Variants in ZNF92 observed in about 807,000 individuals in gnomAD.
ZNF92 encodes the protein zinc finger protein 92, also known as epididymis luminal protein 203.
ZNF92 carries 11 observed loss-of-function variants against 12.4 expected under a neutral mutation model. That is an observed-to-expected ratio of 0.89 (90% CI 0.56 to 1.47). ZNF92 has a LOEUF of 1.47. Among genes scored for constraint, ZNF92 ranks in the 40% most tolerant of loss-of-function variants. The pLI is 0.00. For synonymous variants in ZNF92, 206 were observed against 228.6 expected (o/e 0.90, Z 0.89); for missense variants, 622 against 681.0 (o/e 0.91, Z 0.96).
In ZNF92 at chr7:65,399,791, T is replaced by A; in HGVS notation, c.1677T>A (p.Tyr559Ter). 1 of 1,613,270 alleles carries A rather than the reference T, an allele frequency of 6.2e-7. No homozygotes were observed. Among genetic ancestry groups the A allele is most frequent in the Non-Finnish European group, 8.5e-7 (1 of 1,179,584 alleles). The change falls in exon 4 of 4, where the codon TAT (tyrosine) becomes TAA (stop). Residue 559 changes from tyrosine (Y) to a stop codon, truncating the protein, a stop_gained. Coordinates refer to ENST00000328747, the MANE Select transcript of ZNF92 (RefSeq NM_152626.4). LOFTEE classifies it low-confidence loss of function (END_TRUNC). ...CCCTTATTACACATCAGATAATTTA[T>A]ACTGGAGAGAAACCCTGCAAACATG... is the stretch of plus-strand genomic sequence containing the variant. The part of the protein sequence containing the change: ...FSTLITHQII[Y>*]TGEKPCKHEC...
chr7:65,377,816 C>T (rs916649932), intron 1 of ZNF92, among the ~76,000 whole-genome samples: 6 of 152,082 alleles, frequency 3.9e-5, no homozygotes, highest in South Asian at 4.1e-4. Context: ...CCACCCACCT[C>T]GGCCTCCCAA....
intron 1 of ZNF92, among the ~76,000 whole-genome samples, chr7:65,378,478 C>T (rs941190296): frequency 2.6e-5 from 4 of 151,790 alleles, no homozygotes; most frequent in African/African-American, 4.8e-5. Context: ...CGTGGTGGCT[C>T]ACACCTGTAA....
In ZNF92 at chr7:65,388,242, C is replaced by G. The variant is rs369906761; in HGVS notation, c.130+214C>G. On this transcript the variant is annotated intron_variant, in intron 2 of 3. Coordinates refer to ENST00000328747, the MANE Select transcript of ZNF92 (RefSeq NM_152626.4). ...TTCCTGAGCTGATCTATATCCTTCA[C>G]TCTAAATTAGTGGTAATTCCAGAAA... 4.4e-5 allele frequency: 15 copies of G among 340,342 alleles called. No individual in the cohort carries two copies. In the East Asian group the frequency reaches 6.9e-4, roughly 16 times the overall value. 21.1% of individuals were successfully genotyped at this position (340,342 alleles called of 1,614,324 possible). A position where few individuals can be genotyped will look rare whatever the true frequency, so the allele number is the denominator to read the frequency against.
Position 65,399,441 on chromosome 7 carries a change from C to T in ZNF92, c.1327C>T (p.His443Tyr), listed in dbSNP as rs1203730372. 6 of 1,613,482 alleles carry T rather than the reference C, an allele frequency of 3.7e-6. No individual in the cohort carries two copies. The highest frequency in any genetic ancestry group is 5.1e-6 in the Non-Finnish European group (6 of 1,179,794). ...AFSWSSAFTK[H>Y]KRNHMEDKPY... ...TAGCTGGTCCTCAGCTTTTACTAAA[C>T]ATAAGAGAAATCATATGGAAGATAA... The change falls in exon 4 of 4, where the codon CAT becomes TAT. Residue 443 changes from histidine to tyrosine, a missense_variant. Coordinates refer to ENST00000328747, the MANE Select transcript of ZNF92 (RefSeq NM_152626.4).
At position 65,400,039 on chromosome 7, in the gene ZNF92, G is replaced by A; in HGVS notation, c.*164G>A. The A allele has an allele frequency of 3.2e-6, 2 of 634,798 alleles. No individual in the cohort carries two copies. Among genetic ancestry groups the A allele is most frequent in the Non-Finnish European group, 5.1e-6 (2 of 395,832 alleles). 39.3% of individuals were successfully genotyped at this position (634,798 alleles called of 1,614,324 possible). On this transcript the variant is annotated 3_prime_UTR_variant, in exon 4 of 4. Transcript: ENST00000328747. ...GAAAAATCCTCCAAGTATGAAGAAT[G>A]TGGCAAACTTTTAACCAATCCTCAC...
intron 3 of ZNF92, 60 bp from the exon 4 acceptor site, chr7:65,398,281 G>A: frequency 1.0e-5 from 14 of 1,354,082 alleles, no homozygotes; most frequent in Non-Finnish European, 1.4e-5. Context: ...GGTTAAATTT[G>A]TAAAGTATAT....
chr7:65,384,366 G>A (rs890738214), intron 1 of ZNF92, among the ~76,000 whole-genome samples: 8 of 152,010 alleles, frequency 5.3e-5, no homozygotes, highest in Non-Finnish European at 1.2e-4. Context: ...CTTTTTGGAG[G>A]CCTTATTGAA....
chr7:65,391,018 T>C (rs911887333), intron 3 of ZNF92, among the ~76,000 whole-genome samples: 3 of 152,108 alleles, frequency 2.0e-5, no homozygotes, highest in Non-Finnish European at 4.4e-5. Context: ...AGGAGTCCTT[T>C]AGTTTGCCGC....
intron 3 of ZNF92, among the ~76,000 whole-genome samples, chr7:65,390,411 T>C (rs1793681516): frequency 1.3e-5 from 2 of 152,108 alleles, no homozygotes; most frequent in South Asian, 2.1e-4. Context: ...TTTTATAAAC[T>C]GGTTTTAGAA....
Position 65,388,018 on chromosome 7 carries a change from G to T in ZNF92, c.120G>T (p.Leu40=). Residue 40 remains leucine (L), a synonymous_variant, in exon 2 of 4, where the codon CTG becomes CTT. Transcript: ENST00000328747. The part of the protein sequence containing the change: ...RDVMLENYRN[L]VFLGIAVSKP... ...TGATGTTAGAGAACTACAGAAACCT[G>T]GTCTTCCTTGGTGAGGATAACTTCA... 1 of 1,604,748 alleles carries T rather than the reference G, an allele frequency of 6.2e-7. No homozygotes were observed. Among genetic ancestry groups the T allele is most frequent in the Non-Finnish European group, 8.5e-7 (1 of 1,175,492 alleles).
At chr7:65,379,747 A>G (rs1298476026) in intron 1 of ZNF92, among the ~76,000 whole-genome samples, 1 of 152,034 alleles carries the variant, frequency 6.6e-6, no homozygotes, top group Non-Finnish European at 1.5e-5. Context: ...GTTCTGCACC[A>G]CCTGTTCATA....
chr7:65,393,199 A>G (rs552408149), intron 3 of ZNF92, among the ~76,000 whole-genome samples: 1 of 152,204 alleles, frequency 6.6e-6, no homozygotes, highest in East Asian at 1.9e-4. Flanking sequence ...CTTGACAAAC[A>G]CCCTTCCACT....
chr7:65,376,863 T>C (rs2116331302), intron 1 of ZNF92, among the ~76,000 whole-genome samples: 2 of 152,262 alleles, frequency 1.3e-5, no homozygotes, highest in East Asian at 3.9e-4. Context: ...AGAAAATGAA[T>C]ACATTTCCAC....
chr7:65,396,026 C>A (rs971465300), intron 3 of ZNF92, among the ~76,000 whole-genome samples: 1 of 152,130 alleles, frequency 6.6e-6, no homozygotes, highest in African/African-American at 2.4e-5. Context: ...ATGATCTTCT[C>A]ATTTCAGCCT....
Position 65,388,847 on chromosome 7 carries a change from C to T in ZNF92, c.172C>T (p.Gln58Ter), listed in dbSNP as rs1308525143. The change falls in exon 3 of 4, where the codon CAA becomes TAA. Residue 58 changes from glutamine to a stop codon, truncating the protein, a stop_gained. Coordinates refer to ENST00000328747, the MANE Select transcript of ZNF92 (RefSeq NM_152626.4). LOFTEE classifies it high-confidence loss of function. ...SKPDLITWLE[Q>*]GKEPWNLKRH... Reference sequence around the variant, plus strand: ...GCCAGACCTGATCACCTGGCTGGAGCAAGGAAAAGAGCCCTGGAATCTGAA... The same window carrying T: ...GCCAGACCTGATCACCTGGCTGGAGTAAGGAAAAGAGCCCTGGAATCTGAA... 1.3e-6 allele frequency: 2 copies of T among 1,581,268 alleles called. No individual in the cohort carries two copies. Among genetic ancestry groups the T allele is most frequent in the Non-Finnish European group, 1.7e-6 (2 of 1,161,986 alleles).
At chr7:65,375,046 G>A (rs562382257) in intron 1 of ZNF92, among the ~76,000 whole-genome samples, 1 of 152,190 alleles carries the variant, frequency 6.6e-6, no homozygotes, top group Non-Finnish European at 1.5e-5. Flanking sequence ...TGGATGGCAC[G>A]TTTTAAAAGA....
Position 65,398,518 on chromosome 7 carries a change from A to G in ZNF92, c.404A>G (p.Gln135Arg), listed in dbSNP as rs755903615. 1.9e-6 allele frequency: 3 copies of G among 1,611,670 alleles called. No individual in the cohort carries two copies. Among genetic ancestry groups the G allele is most frequent in the Middle Eastern group, 1.7e-4 (1 of 6,028 alleles). ...AAAGGAGGTTATAATGGACTTAACC[A>G]GTGTTTGACAACTACTGACAGCAAG... is the stretch of plus-strand genomic sequence containing the variant. ...VYKGGYNGLNQCLTTTDSKIF... is the reference protein window; with the variant it reads ...VYKGGYNGLNRCLTTTDSKIF... The change falls in exon 4 of 4, where the codon CAG (glutamine) becomes CGG (arginine). Residue 135 changes from glutamine (Q) to arginine (R), a missense_variant. By Grantham distance (43) the Gln-to-Arg change is conservative. Coordinates refer to ENST00000328747, the MANE Select transcript of ZNF92 (RefSeq NM_152626.4).
At chr7:65,382,277 A>G (rs887904903) in intron 1 of ZNF92, among the ~76,000 whole-genome samples, 1 of 152,024 alleles carries the variant, frequency 6.6e-6, no homozygotes, top group Non-Finnish European at 1.5e-5. Context: ...ATTGTGTAAT[A>G]AAACAGTTTT....
chr7:65,400,612 A>G lies in ZNF92; in HGVS notation c.*737A>G, dbSNP rs1160325445. ...GAGTGTTGAGTATAGGAGATCCAAA[A>G]CTAAAATTGTTAGGTAAGTTATTTA... is the stretch of plus-strand genomic sequence containing the variant. On this transcript the variant is annotated 3_prime_UTR_variant, in exon 4 of 4. Coordinates refer to ENST00000328747, the MANE Select transcript of ZNF92 (RefSeq NM_152626.4). 3.3e-5 allele frequency: 5 copies of G among 152,012 alleles called. No homozygotes were observed. The highest frequency in any genetic ancestry group is 5.9e-5 in the Non-Finnish European group (4 of 67,894). 9.4% of individuals were successfully genotyped at this position (152,012 alleles called of 1,614,324 possible). A position where few individuals can be genotyped will look rare whatever the true frequency, so the allele number is the denominator to read the frequency against.
Sources: gnomAD v4.1 joint callset for allele counts (sites outside exome capture counted in the v4.1 genomes callset) on GRCh38, gnomAD v4.1.1 for gene constraint, MANE v1.5 for transcripts, NCBI Gene and HGNC (gene_info 2026-07-23, HGNC 2026-07-21) for gene names.